Variants in OPRD1 observed in about 807,000 individuals in gnomAD.
OPRD1 encodes opioid receptor delta 1.
A neutral mutation model predicts 17.5 loss-of-function variants in OPRD1; 19 were observed. That is an observed-to-expected ratio of 1.09 (90% CI 0.76 to 1.60). The LOEUF (loss-of-function observed/expected upper bound fraction) is 1.60, where lower values mean the gene tolerates loss of function less well. Ranked by LOEUF, OPRD1 falls within the 40% of genes most tolerant of loss-of-function variation. The probability of loss-of-function intolerance (pLI) is 0.00; values close to 1 mark genes in which losing one functional copy is unlikely to be tolerated. For missense variants in OPRD1, 483 were observed against 547.2 expected, an observed-to-expected ratio of 0.88 and a Z score of 1.17; for synonymous variants, 256 against 240.9, an observed-to-expected ratio of 1.06 and a Z score of -0.58.
Position 28,812,684 on chromosome 1 carries a change from A to C in OPRD1, c.227+74A>C, listed in dbSNP as rs2088642671. 3.1e-6 allele frequency: 4 copies of C among 1,296,180 alleles called. No individual in the cohort carries two copies. The Admixed American group carries it at 1.4e-4, about 46-fold the overall frequency. 80.3% of individuals were successfully genotyped at this position (1,296,180 alleles called of 1,614,324 possible). Reference sequence around the variant, plus strand: ...GTGGGGATCACGAACTTGAGACCCCAAGCCCGTTCCCTGGACTCCCCGCGC... The same window carrying C: ...GTGGGGATCACGAACTTGAGACCCCCAGCCCGTTCCCTGGACTCCCCGCGC... On this transcript the variant is annotated intron_variant, in intron 1 of 2. Transcript: ENST00000234961.
At position 28,812,256 on chromosome 1, in the gene OPRD1, C is replaced by A; in HGVS notation, c.-128C>A. The A allele has an allele frequency of 8.8e-6, 4 of 455,876 alleles. No individual in the cohort carries two copies. The highest frequency in any genetic ancestry group is 1.3e-5 in the Non-Finnish European group (4 of 317,938). The allele number at this position is 455,876 out of a possible 1,614,324, so 28.2% of individuals were successfully genotyped here. Reference sequence around the variant, plus strand: ...GCAGGCGGACGAGGCGCAGAGACAGCGGGGCGGCCGGGGCGCGGCAGCCGG... The same window carrying A: ...GCAGGCGGACGAGGCGCAGAGACAGAGGGGCGGCCGGGGCGCGGCAGCCGG... On this transcript the variant is annotated 5_prime_UTR_variant, in exon 1 of 3. Transcript: ENST00000234961.
chr1:28,852,164 T>TAAAAAAAAAAAAAAAAAAAAAAA (rs71030305), intron 1 of OPRD1, among the ~76,000 whole-genome samples: 4 of 86,740 alleles, frequency 4.6e-5, no homozygotes, highest in African/African-American at 4.7e-5. Flanking sequence ...AAACTCCATG[T>TAAAAAAAAAAAAAAAAAAAAAAA]AAAAAAAAAA....
At chr1:28,857,865 T>C (rs1569652431) in intron 1 of OPRD1, among the ~76,000 whole-genome samples, 1 of 152,254 alleles carries the variant, frequency 6.6e-6, no homozygotes, top group East Asian at 1.9e-4. Context: ...CTATCTCGGC[T>C]CACTGCAACC....
chr1:28,849,508 GCACA>G lies in OPRD1; in HGVS notation c.228-9436_228-9433del, dbSNP rs958800106. Among the ~76,000 whole-genome samples, 15 of 151,380 alleles carry G rather than the reference GCACA, an allele frequency of 9.9e-5. No individual in the cohort carries two copies. In the South Asian group the frequency reaches 1.9e-3, roughly 19 times the overall value. On this transcript the variant is annotated intron_variant, in intron 1 of 2. Transcript: ENST00000234961. ...CTGATACACATACACACACACACAT[GCACA>G]CACACACACGCACACACAGGGGCAC...
chr1:28,828,536 G>T (rs1049129314), intron 1 of OPRD1, among the ~76,000 whole-genome samples: 5 of 152,144 alleles, frequency 3.3e-5, no homozygotes, highest in African/African-American at 9.6e-5. Flanking sequence ...TAATGAGTCA[G>T]CCTGGCTGGG....
intron 1 of OPRD1, among the ~76,000 whole-genome samples, chr1:28,814,489 G>A (rs1256977035): frequency 2.6e-5 from 4 of 152,220 alleles, no homozygotes; most frequent in Non-Finnish European, 5.9e-5. Context: ...GGGCCTGAGA[G>A]TAGCTGTGAT....
intron 1 of OPRD1, among the ~76,000 whole-genome samples, chr1:28,846,846 T>TTTTCTTTCTTTCTTTCTTTCTTTC (rs1553150754): frequency 3.4e-4 from 26 of 76,952 alleles, no homozygotes; most frequent in Non-Finnish European, 3.3e-4. Flanking sequence ...TCTTTCTTTC[T>TTTTCTTTCTTTCTTTCTTTCTTTC]TTTCTTTCTT....
intron 1 of OPRD1, among the ~76,000 whole-genome samples, chr1:28,846,718 GC>G (rs2088947891): frequency 6.6e-6 from 1 of 150,576 alleles, no homozygotes; most frequent in Non-Finnish European, 1.5e-5. Flanking sequence ...GAGAGAGAGA[GC>G]GAGCAAGCTC....
At chr1:28,825,694 G>A (rs2088761839) in intron 1 of OPRD1, among the ~76,000 whole-genome samples, 1 of 152,182 alleles carries the variant, frequency 6.6e-6, no homozygotes, top group Admixed American at 6.5e-5. Context: ...CAAGAAGTGG[G>A]TTCTTACACA....
Position 28,865,107 on chromosome 1 carries a change from C to G in OPRD1, c.*1824C>G, listed in dbSNP as rs1474238416. The G allele has an allele frequency of 6.6e-6, 1 of 152,052 alleles. No individual in the cohort carries two copies. Among genetic ancestry groups the G allele is most frequent in the African/African-American group, 2.4e-5 (1 of 41,352 alleles). 9.4% of individuals were successfully genotyped at this position (152,052 alleles called of 1,614,324 possible). On this transcript the variant is annotated 3_prime_UTR_variant, in exon 3 of 3. Transcript: ENST00000234961. ...GAAGTTTTTCTTTTCATTGGTTCGG[C>G]ATTTTATTCAGGCACTCCTGGATCT...
chr1:28,858,047 G>A (rs969531559), intron 1 of OPRD1, among the ~76,000 whole-genome samples: 3 of 151,928 alleles, frequency 2.0e-5, no homozygotes, highest in African/African-American at 4.8e-5. Flanking sequence ...CGCCCACCTC[G>A]GCCTCCCAAA....
chr1:28,832,182 C>T (rs2088812626), intron 1 of OPRD1, among the ~76,000 whole-genome samples: 1 of 152,124 alleles, frequency 6.6e-6, no homozygotes, highest in South Asian at 2.1e-4. Context: ...TTGATACAGC[C>T]AGGGATTGGG....
chr1:28,857,120 T>A (rs2089063836), intron 1 of OPRD1, among the ~76,000 whole-genome samples: 1 of 152,150 alleles, frequency 6.6e-6, no homozygotes. Context: ...GAGAATCAAG[T>A]CACTCTGGTC....
chr1:28,841,663 C>A (rs1301883727), intron 1 of OPRD1, among the ~76,000 whole-genome samples: 1 of 152,066 alleles, frequency 6.6e-6, no homozygotes, highest in Non-Finnish European at 1.5e-5. Context: ...ATGTATTGAT[C>A]TTCTGGGCAC....
chr1:28,829,833 C>A (rs761363552), intron 1 of OPRD1, among the ~76,000 whole-genome samples: 18 of 152,138 alleles, frequency 1.2e-4, no homozygotes, highest in Non-Finnish European at 2.5e-4. Flanking sequence ...CCTCAGCCTC[C>A]GAAGTAGCTG....
intron 1 of OPRD1, among the ~76,000 whole-genome samples, chr1:28,853,330 AG>A (rs1278911342): frequency 1.3e-5 from 2 of 152,190 alleles, no homozygotes; most frequent in East Asian, 3.8e-4. Context: ...CTGGTGATCA[AG>A]GGGGCCTTGG....
At chr1:28,842,656 G>A (rs910145016) in intron 1 of OPRD1, among the ~76,000 whole-genome samples, 4 of 152,180 alleles carry the variant, frequency 2.6e-5, no homozygotes, top group African/African-American at 7.2e-5. Context: ...TTGTGGATTT[G>A]GAATCAGAAA....
intron 1 of OPRD1, among the ~76,000 whole-genome samples, chr1:28,822,025 CA>C (rs1489352471): frequency 6.6e-6 from 1 of 151,262 alleles, no homozygotes; most frequent in African/African-American, 2.4e-5. Flanking sequence ...AATCTCGGCT[CA>C]CCACAACCTC....
chr1:28,870,315 G>C lies in OPRD1; in HGVS notation c.*7032G>C, dbSNP rs2089206413. 1 of 150,098 alleles carries C rather than the reference G, an allele frequency of 6.7e-6. No homozygotes were observed. The highest frequency in any genetic ancestry group is 2.1e-4 in the South Asian group (1 of 4,772). 9.3% of individuals were successfully genotyped at this position (150,098 alleles called of 1,614,324 possible). A position where few individuals can be genotyped will look rare whatever the true frequency, so the allele number is the denominator to read the frequency against. On this transcript the variant is annotated 3_prime_UTR_variant, in exon 3 of 3. Transcript: ENST00000234961. ...CACCCAGGCTGAAGTGCAATGGCGA[G>C]ATCTCGGCTCACTGCAACCTCCGCC... is the stretch of plus-strand genomic sequence containing the variant.
Sources: gnomAD v4.1 joint callset for allele counts (sites outside exome capture counted in the v4.1 genomes callset) on GRCh38, gnomAD v4.1.1 for gene constraint, MANE v1.5 for transcripts, NCBI Gene and HGNC (gene_info 2026-07-23, HGNC 2026-07-21) for gene names.